Variants in DTNBP1 observed in about 807,000 individuals in gnomAD.
The protein encoded by DTNBP1 is dysbindin.
In DTNBP1, 35 loss-of-function variants were observed where a neutral mutation model predicts 42.8. The ratio of observed to expected loss-of-function variants is 0.82; its 90% CI spans 0.63 to 1.09. The LOEUF is 1.09. Ranked by LOEUF, DTNBP1 falls within the 50% of genes least tolerant of loss-of-function variation. The pLI, the probability that DTNBP1 is intolerant of heterozygous loss-of-function variation, is 0.00. For synonymous variants in DTNBP1, 171 were observed against 162.2 expected (o/e 1.05, Z -0.41); for missense variants, 457 against 424.2 (o/e 1.08, Z -0.68).
In DTNBP1 at chr6:15,545,185, G is replaced by A. The variant is rs534193885; in HGVS notation, c.512-11790C>T. Among the ~76,000 whole-genome samples, 5 of 151,938 alleles carry A rather than the reference G, an allele frequency of 3.3e-5. No individual in the cohort carries two copies. In the South Asian group the frequency reaches 6.2e-4, roughly 19 times the overall value. On this transcript the variant is annotated intron_variant, in intron 7 of 9. Transcript: ENST00000344537. ...CAGGCTGGATTAAAAAAAAAGACCC[G>A]TAAAAGTATTTTCCTGGCATTGGTT...
At chr6:15,541,400 C>A (rs1361165840) in intron 7 of DTNBP1, among the ~76,000 whole-genome samples, 1 of 152,076 alleles carries the variant, frequency 6.6e-6, no homozygotes, top group African/African-American at 2.4e-5. Flanking sequence ...ACTGAAAAAT[C>A]TAAATTACAG....
intron 7 of DTNBP1, among the ~76,000 whole-genome samples, chr6:15,538,508 C>G (rs1403183276): frequency 6.6e-6 from 1 of 152,194 alleles, no homozygotes; most frequent in Non-Finnish European, 1.5e-5. Context: ...GGCAGAGAAT[C>G]CAGTCACAGC....
chr6:15,627,570 C>T (rs1759424279), intron 4 of DTNBP1, 95 bp from the exon 5 acceptor site: 5 of 1,527,846 alleles, frequency 3.3e-6, no homozygotes, highest in African/African-American at 1.4e-5. Flanking sequence ...TCTTTAACAA[C>T]CCCTCTACTC....
At chr6:15,526,417 A>G (rs1027798413) in intron 8 of DTNBP1, among the ~76,000 whole-genome samples, 2 of 152,240 alleles carry the variant, frequency 1.3e-5, no homozygotes, top group East Asian at 3.8e-4. Flanking sequence ...TCTGGGAGGA[A>G]AGTGAGTCTC....
intron 3 of DTNBP1, among the ~76,000 whole-genome samples, chr6:15,650,906 T>C (rs767089124): frequency 6.6e-6 from 1 of 152,206 alleles, no homozygotes; most frequent in African/African-American, 2.4e-5. Flanking sequence ...TTGTTGTTTG[T>C]GCTTTTGATG....
chr6:15,527,993 C>T (rs1772530331), intron 8 of DTNBP1, among the ~76,000 whole-genome samples: 1 of 152,192 alleles, frequency 6.6e-6, no homozygotes, highest in Non-Finnish European at 1.5e-5. Flanking sequence ...AAGTTCTACT[C>T]AACACTCAGG....
Position 15,659,254 on chromosome 6 carries a change from T to C in DTNBP1, c.56+3560A>G, listed in dbSNP as rs150312066. Among the ~76,000 whole-genome samples, 102 of 152,332 alleles carry C rather than the reference T, an allele frequency of 6.7e-4. 1 individual carries two copies. The East Asian group carries it at 0.016, about 24-fold the overall frequency. On this transcript the variant is annotated intron_variant, in intron 1 of 9. Coordinates refer to ENST00000344537, the MANE Select transcript of DTNBP1 (RefSeq NM_032122.5). ...CTAGAGTTAGGGCCTTCATATGAGTTTTCAGAAAGTGAAAATGATCACAGA... is the reference window on the plus strand; with the variant it reads ...CTAGAGTTAGGGCCTTCATATGAGTCTTCAGAAAGTGAAAATGATCACAGA...
At chr6:15,544,841 G>A (rs73369586) in intron 7 of DTNBP1, among the ~76,000 whole-genome samples, 2,939 of 152,206 alleles carry the variant, frequency 0.019, 103 homozygotes, top group African/African-American at 0.066. Context: ...CTTTTCTCCA[G>A]AATGTGGATG....
rs938787655 is a variant in DTNBP1 at position 15,576,419 on chromosome 6, G to A, written c.511+16640C>T. Among the ~76,000 whole-genome samples the A allele has an allele frequency of 1.7e-4, 26 of 150,880 alleles. No homozygotes were observed. In the East Asian group the frequency reaches 4.4e-3, roughly 25 times the overall value. ...ATTACAGGCATGAGCCACCGTGCCCGGCCTATGGTTGCAATTAACTTCTAT... is the reference window on the plus strand; with the variant it reads ...ATTACAGGCATGAGCCACCGTGCCCAGCCTATGGTTGCAATTAACTTCTAT... On this transcript the variant is annotated intron_variant, in intron 7 of 9. Transcript: ENST00000344537.
intron 3 of DTNBP1, among the ~76,000 whole-genome samples, chr6:15,649,538 C>T (rs1269928429): frequency 6.6e-6 from 1 of 152,080 alleles, no homozygotes; most frequent in Non-Finnish European, 1.5e-5. Context: ...TTAACAGGTA[C>T]AGAGTTTCCA....
chr6:15,652,209 T>A, intron 1 of DTNBP1, 69 bp from the exon 2 acceptor site: 1 of 1,301,874 alleles, frequency 7.7e-7, no homozygotes, highest in East Asian at 2.5e-5. Context: ...TGAGACAGGG[T>A]CTCACTCTGT....
At chr6:15,564,876 A>T (rs1369199378) in intron 7 of DTNBP1, among the ~76,000 whole-genome samples, 1 of 152,192 alleles carries the variant, frequency 6.6e-6, no homozygotes, top group Non-Finnish European at 1.5e-5. Flanking sequence ...GCACTTTGGT[A>T]GGCCATGATG....
In DTNBP1 at chr6:15,643,904, A is replaced by G. The variant is rs141505723; in HGVS notation, c.162-6100T>C. On this transcript the variant is annotated intron_variant, in intron 3 of 9. Coordinates refer to ENST00000344537, the MANE Select transcript of DTNBP1 (RefSeq NM_032122.5). ...AAGACCACAAAGCAACTAGCTAACAACACTATCAAAGGAATAAAACTTCAC... is the reference window on the plus strand; with the variant it reads ...AAGACCACAAAGCAACTAGCTAACAGCACTATCAAAGGAATAAAACTTCAC... 4.4e-3 allele frequency among the ~76,000 whole-genome samples: 673 copies of G among 152,280 alleles called. 6 individuals carry two copies. Among genetic ancestry groups the G allele is most frequent in the African/African-American group, 0.015 (630 of 41,546 alleles).
chr6:15,641,147 G>A (rs1438018448), intron 3 of DTNBP1, among the ~76,000 whole-genome samples: 1 of 152,196 alleles, frequency 6.6e-6, no homozygotes, highest in Non-Finnish European at 1.5e-5. Context: ...CCCTCTTGGA[G>A]AGCCAGACAC....
intron 7 of DTNBP1, among the ~76,000 whole-genome samples, chr6:15,560,033 C>T (rs1014644268): frequency 1.3e-5 from 2 of 152,136 alleles, no homozygotes; most frequent in African/African-American, 4.8e-5. Context: ...TGGGGCCAGG[C>T]GCAGTGGCTC....
At chr6:15,575,979 G>A (rs1775545243) in intron 7 of DTNBP1, among the ~76,000 whole-genome samples, 1 of 152,198 alleles carries the variant, frequency 6.6e-6, no homozygotes, top group Non-Finnish European at 1.5e-5. Flanking sequence ...GGAGACACAA[G>A]TATGGCCCTC....
intron 3 of DTNBP1, among the ~76,000 whole-genome samples, chr6:15,640,803 A>C (rs1041746439): frequency 1.3e-5 from 2 of 152,150 alleles, no homozygotes; most frequent in Non-Finnish European, 2.9e-5. Flanking sequence ...CTTCCAGGGG[A>C]AGGTTTGGAG....
chr6:15,535,868 T>G (rs571072484), intron 7 of DTNBP1, among the ~76,000 whole-genome samples: 49 of 152,320 alleles, frequency 3.2e-4, no homozygotes, highest in African/African-American at 1.1e-3. Context: ...AAGTCCAGAC[T>G]GAGGTGGTCT....
At chr6:15,588,644 T>C (rs1182774014) in intron 7 of DTNBP1, among the ~76,000 whole-genome samples, 1 of 152,244 alleles carries the variant, frequency 6.6e-6, no homozygotes, top group Non-Finnish European at 1.5e-5. Flanking sequence ...TGGGTACCAG[T>C]TGTTCCTTGC....
Sources: allele counts gnomAD v4.1 joint callset (sites outside exome capture counted in the v4.1 genomes callset), GRCh38; gene constraint gnomAD v4.1.1; transcripts MANE v1.5; gene names NCBI Gene and HGNC (gene_info 2026-07-23, HGNC 2026-07-21).